The following PHACTR1 variants were observed in gnomAD, a reference collection of about 807,000 sequenced individuals.
PHACTR1 encodes phosphatase and actin regulator 1.
A neutral mutation model predicts 69.2 loss-of-function variants in PHACTR1; 16 were observed. The observed-to-expected ratio is 0.23, with a 90% CI of 0.16 to 0.35. PHACTR1 has a LOEUF of 0.35. Ranked by LOEUF, PHACTR1 falls within the 10% of genes least tolerant of loss-of-function variation. The probability of loss-of-function intolerance (pLI) is 1.00; values close to 1 mark genes in which losing one functional copy is unlikely to be tolerated. For synonymous variants in PHACTR1, 312 were observed against 284.5 expected (o/e 1.10, Z -0.97); for missense variants, 510 against 734.7 (o/e 0.69, Z 3.54).
At chr6:13,279,872 G>C (rs1779771080) in intron 12 of PHACTR1, 1 of 152,034 alleles carries the variant, frequency 6.6e-6, no homozygotes, top group African/African-American at 2.4e-5. Context: ...GAAATGACTG[G>C]GGCTCGAAAA....
In PHACTR1 at chr6:13,200,218, C is replaced by CTT. The variant is rs35273566; in HGVS notation, c.665-5588_665-5587dup. On this transcript the variant is annotated intron_variant, in intron 7 of 14. Coordinates refer to ENST00000332995, the MANE Select transcript of PHACTR1 (RefSeq NM_030948.6). ...TATATGCTGAGCATTTGGGAAGAATCTTTTTTTTTTGAGATGGAGTCTCAC... is the reference window on the plus strand; with the variant it reads ...TATATGCTGAGCATTTGGGAAGAATCTTTTTTTTTTTTGAGATGGAGTCTCAC... 9.1e-3 allele frequency among the ~76,000 whole-genome samples: 1,359 copies of CTT among 149,516 alleles called. 16 individuals carry two copies. Among genetic ancestry groups the CTT allele is most frequent in the Non-Finnish European group, 0.014 (910 of 67,200 alleles).
At chr6:13,107,630 T>G (rs542042660) in intron 5 of PHACTR1, among the ~76,000 whole-genome samples, 49 of 152,300 alleles carry the variant, frequency 3.2e-4, no homozygotes, top group Admixed American at 2.7e-3. Flanking sequence ...TCATCTCTTG[T>G]TAGTTGTTGA....
intron 5 of PHACTR1, among the ~76,000 whole-genome samples, chr6:13,097,268 T>C (rs1159918014): frequency 6.6e-6 from 1 of 152,246 alleles, no homozygotes; most frequent in Non-Finnish European, 1.5e-5. Flanking sequence ...AGCATTGTGC[T>C]TACTTAAGGT....
chr6:13,195,301 A>G (rs1764214356), intron 7 of PHACTR1, among the ~76,000 whole-genome samples: 1 of 152,208 alleles, frequency 6.6e-6, no homozygotes, highest in African/African-American at 2.4e-5. Flanking sequence ...TTAAGTAATT[A>G]AAGGAGATAA....
intron 4 of PHACTR1, among the ~76,000 whole-genome samples, chr6:12,918,106 G>A (rs546503821): frequency 2.4e-4 from 37 of 152,240 alleles, no homozygotes; most frequent in Middle Eastern, 3.4e-3. Context: ...TTATTCCCAG[G>A]CAAACAAAAG....
At chr6:12,915,981 C>A (rs562326061) in intron 4 of PHACTR1, among the ~76,000 whole-genome samples, 1 of 152,216 alleles carries the variant, frequency 6.6e-6, no homozygotes, top group Admixed American at 6.5e-5. Flanking sequence ...ACCTCTGGTA[C>A]CTGATCAGCT....
intron 4 of PHACTR1, among the ~76,000 whole-genome samples, chr6:12,793,555 A>G (rs895011361): frequency 6.6e-6 from 1 of 152,242 alleles, no homozygotes; most frequent in African/African-American, 2.4e-5. Flanking sequence ...AAAATTCTGA[A>G]TTGGAAGATA....
At chr6:12,909,992 G>A (rs950070130) in intron 4 of PHACTR1, among the ~76,000 whole-genome samples, 8 of 152,208 alleles carry the variant, frequency 5.3e-5, no homozygotes, top group African/African-American at 1.4e-4. Flanking sequence ...GGCAAACTCC[G>A]CAGCCTTCGC....
chr6:12,785,675 C>G (rs1223498285), intron 4 of PHACTR1, among the ~76,000 whole-genome samples: 1 of 152,144 alleles, frequency 6.6e-6, no homozygotes, highest in South Asian at 2.1e-4. Context: ...GAAAATAGAT[C>G]CTTAAAGCAG....
chr6:13,039,783 C>G (rs1019717066), intron 4 of PHACTR1, among the ~76,000 whole-genome samples: 1 of 152,150 alleles, frequency 6.6e-6, no homozygotes, highest in African/African-American at 2.4e-5. Flanking sequence ...GAAACTGTAG[C>G]TACTTATTGT....
At chr6:13,209,605 C>A (rs1334695562) in intron 8 of PHACTR1, among the ~76,000 whole-genome samples, 1 of 152,226 alleles carries the variant, frequency 6.6e-6, no homozygotes, top group Non-Finnish European at 1.5e-5. Context: ...CAATGCCTGA[C>A]ACTGGACCAT....
intron 4 of PHACTR1, among the ~76,000 whole-genome samples, chr6:12,848,454 G>A (rs917824548): frequency 7.2e-5 from 11 of 152,134 alleles, no homozygotes; most frequent in Admixed American, 4.6e-4. Flanking sequence ...GAATCAAGGC[G>A]CCCATCTCAT....
At chr6:12,734,630 T>C (rs930712434) in intron 3 of PHACTR1, among the ~76,000 whole-genome samples, 1 of 152,160 alleles carries the variant, frequency 6.6e-6, no homozygotes, top group African/African-American at 2.4e-5. Context: ...AATATATTCA[T>C]ACAAGTGAAA....
intron 4 of PHACTR1, among the ~76,000 whole-genome samples, chr6:12,781,121 A>G (rs9472528): frequency 0.07 from 10,621 of 152,266 alleles, 465 homozygotes; most frequent in Admixed American, 0.1. Context: ...CTCTGGTCCT[A>G]TGGAACATGA....
At chr6:12,824,160 A>G (rs574068534) in intron 4 of PHACTR1, among the ~76,000 whole-genome samples, 29 of 152,246 alleles carry the variant, frequency 1.9e-4, no homozygotes, top group African/African-American at 7.0e-4. Flanking sequence ...CGAGAATCCT[A>G]TCGTGGAAGG....
intron 4 of PHACTR1, among the ~76,000 whole-genome samples, chr6:12,841,602 C>T (rs1445024664): frequency 6.6e-6 from 1 of 152,118 alleles, no homozygotes; most frequent in East Asian, 1.9e-4. Context: ...ATCAAATTTC[C>T]AGCATGCTCA....
intron 10 of PHACTR1, among the ~76,000 whole-genome samples, chr6:13,235,770 C>T (rs1019090072): frequency 6.6e-6 from 1 of 152,194 alleles, no homozygotes; most frequent in Non-Finnish European, 1.5e-5. Flanking sequence ...GGTCAGACAA[C>T]AGCCAGTCTA....
At chr6:12,812,458 T>C (rs532620688) in intron 4 of PHACTR1, among the ~76,000 whole-genome samples, 30 of 152,340 alleles carry the variant, frequency 2.0e-4, no homozygotes, top group African/African-American at 7.2e-4. Flanking sequence ...TTATTAACCC[T>C]ATGTTGCTGA....
At chr6:12,770,155 A>G (rs1348447095) in intron 4 of PHACTR1, among the ~76,000 whole-genome samples, 1 of 152,008 alleles carries the variant, frequency 6.6e-6, no homozygotes, top group East Asian at 1.9e-4. Context: ...CATTATGGGG[A>G]CTCTTAAACT....
Sources: gnomAD v4.1 joint callset for allele counts (sites outside exome capture counted in the v4.1 genomes callset) on GRCh38, gnomAD v4.1.1 for gene constraint, MANE v1.5 for transcripts, NCBI Gene and HGNC (gene_info 2026-07-23, HGNC 2026-07-21) for gene names.